Variants in KLRG1 observed in about 807,000 individuals in gnomAD.
KLRG1 encodes killer cell lectin like receptor G1.
KLRG1 carries 16 observed loss-of-function variants against 21.8 expected under a neutral mutation model. The observed-to-expected ratio is 0.73, with a 90% CI of 0.50 to 1.11. The LOEUF (loss-of-function observed/expected upper bound fraction) is 1.11. KLRG1 is among the 50% of genes most tolerant of loss of function. The pLI, the probability that KLRG1 is intolerant of heterozygous loss-of-function variation, is 0.00. For synonymous variants in KLRG1, 69 were observed against 75.9 expected (o/e 0.91, Z 0.47); for missense variants, 173 against 218.3 (o/e 0.79, Z 1.31).
At chr12:9,141,330 A>G in the KLRG1 span, among the ~76,000 whole-genome samples, 2 of 152,222 alleles carry the variant, frequency 1.3e-5, no homozygotes, top group Admixed American at 6.5e-5. Context: ...CTAAACCTTT[A>G]TATTAGTGTG....
chr12:9,120,228 A>G, the KLRG1 span, among the ~76,000 whole-genome samples: 1 of 152,176 alleles, frequency 6.6e-6, no homozygotes, highest in East Asian at 1.9e-4. Flanking sequence ...AGGAAAAATC[A>G]CCAATTGGGT....
chr12:9,019,431 A>C, the KLRG1 span, among the ~76,000 whole-genome samples: 2 of 152,224 alleles, frequency 1.3e-5, no homozygotes, highest in Non-Finnish European at 2.9e-5. Flanking sequence ...TATACACAAA[A>C]GAAATGAAAT....
chr12:9,095,629 G>T, the KLRG1 span: 6 of 1,609,764 alleles, frequency 3.7e-6, no homozygotes, highest in African/African-American at 1.3e-5. Flanking sequence ...GATTGATGCA[G>T]TCTTCATTGT....
the KLRG1 span, chr12:9,072,544 G>A: frequency 1.1e-5 from 18 of 1,599,694 alleles, no homozygotes; most frequent in South Asian, 3.4e-5. Context: ...TCCTGTCCAC[G>A]TCCCTAACCC....
the KLRG1 span, chr12:9,106,400 T>A: frequency 2.1e-6 from 3 of 1,457,484 alleles, no homozygotes; most frequent in Non-Finnish European, 2.9e-6. Context: ...TCTCTAAAAT[T>A]CTATCACCTC....
the KLRG1 span, among the ~76,000 whole-genome samples, chr12:9,142,056 G>C: frequency 1.3e-5 from 2 of 151,962 alleles, no homozygotes; most frequent in South Asian, 4.2e-4. Context: ...GACATGCCTC[G>C]ACTTTGTTGT....
the KLRG1 span, chr12:9,150,545 G>T: frequency 1.3e-6 from 1 of 790,318 alleles, no homozygotes; most frequent in Non-Finnish European, 2.1e-6. Flanking sequence ...AGAAACAAAA[G>T]ATTAATGTTG....
At chr12:9,136,710 A>G in the KLRG1 span, among the ~76,000 whole-genome samples, 1 of 151,998 alleles carries the variant, frequency 6.6e-6, no homozygotes, top group Admixed American at 6.5e-5. Flanking sequence ...TTTATTTGAT[A>G]ATAGGCATCC....
the KLRG1 span, chr12:9,127,952 C>A: frequency 6.1e-6 from 2 of 330,350 alleles, no homozygotes; most frequent in East Asian, 9.4e-5. Flanking sequence ...CCCGGATTGT[C>A]TTGCAGATTG....
At chr12:9,200,705 T>A in the KLRG1 span, among the ~76,000 whole-genome samples, 1 of 152,216 alleles carries the variant, frequency 6.6e-6, no homozygotes, top group Non-Finnish European at 1.5e-5. Flanking sequence ...TGGCAAAGCG[T>A]AATTTGCTAC....
chr12:9,111,188 A>G, the KLRG1 span, among the ~76,000 whole-genome samples: 1 of 152,230 alleles, frequency 6.6e-6, no homozygotes, highest in African/African-American at 2.4e-5. Flanking sequence ...AATCTTTATT[A>G]AGTACCTTCT....
the KLRG1 span, among the ~76,000 whole-genome samples, chr12:9,084,713 C>T: frequency 6.6e-5 from 10 of 151,800 alleles, no homozygotes; most frequent in Non-Finnish European, 1.5e-4. Context: ...ACTAAATTCC[C>T]CATTTAAAAG....
At chr12:9,127,037 A>G in the KLRG1 span, among the ~76,000 whole-genome samples, 2 of 152,158 alleles carry the variant, frequency 1.3e-5, no homozygotes, top group Non-Finnish European at 2.9e-5. Flanking sequence ...TCATGGACAC[A>G]CTCAGCTCCT....
chr12:9,121,785 A>G, the KLRG1 span, among the ~76,000 whole-genome samples: 1 of 152,220 alleles, frequency 6.6e-6, no homozygotes, highest in African/African-American at 2.4e-5. The surrounding 1 kb of genome is among the most constrained non-coding windows in gnomAD (Gnocchi z 4.4). Context: ...GTATTTTTGT[A>G]TAATGAATCT....
chr12:9,083,732 G>C, the KLRG1 span, among the ~76,000 whole-genome samples: 3 of 142,974 alleles, frequency 2.1e-5, no homozygotes, highest in African/African-American at 7.8e-5. Context: ...AAGCAATAAT[G>C]AAAAAAAAGA....
chr12:9,120,852 C>CGTGTGTGTGTGT, the KLRG1 span, among the ~76,000 whole-genome samples: 18,533 of 142,984 alleles, frequency 0.13, 1,454 homozygotes, highest in Middle Eastern at 0.2. Flanking sequence ...ATCCCACTAA[C>CGTGTGTGTGTGT]GTGTGTGTGT....
At chr12:9,124,266 T>C in the KLRG1 span, among the ~76,000 whole-genome samples, 2 of 152,212 alleles carry the variant, frequency 1.3e-5, no homozygotes, top group Admixed American at 6.5e-5. Context: ...GCCATAATGT[T>C]GGCTGCAGTG....
chr12:9,080,279 C>T, the KLRG1 span: 2 of 650,934 alleles, frequency 3.1e-6, no homozygotes, highest in South Asian at 5.6e-5. Flanking sequence ...TATACCTAAA[C>T]TCCTCCTGAA....
chr12:9,074,011 C>A, the KLRG1 span, among the ~76,000 whole-genome samples: 4 of 150,424 alleles, frequency 2.7e-5, no homozygotes, highest in East Asian at 7.8e-4. Context: ...TCGCTTGAAC[C>A]TGGGAGATGG....
Sources: gnomAD v4.1 joint callset for allele counts (sites outside exome capture counted in the v4.1 genomes callset) on GRCh38, gnomAD v4.1.1 for gene constraint, Gnocchi (gnomAD v3.1) non-coding constraint, MANE v1.5 for transcripts, NCBI Gene and HGNC (gene_info 2026-07-23, HGNC 2026-07-21) for gene names.